Variants in GRB10 observed in about 807,000 individuals in gnomAD.
GRB10 encodes growth factor receptor bound protein 10, also known as growth factor receptor-bound protein 10.
In GRB10, 20 loss-of-function variants were observed where a neutral mutation model predicts 80.9. The ratio of observed to expected loss-of-function variants is 0.25; its 90% CI spans 0.17 to 0.36. The LOEUF (loss-of-function observed/expected upper bound fraction) is 0.36. GRB10 is among the 10% of genes least tolerant of loss of function. GRB10 has a pLI of 1.00. For missense variants in GRB10, 548 were observed against 747.7 expected, an observed-to-expected ratio of 0.73 and a Z score of 3.12; for synonymous variants, 291 against 291.5, an observed-to-expected ratio of 1.00 and a Z score of 0.02.
At position 50,616,044 on chromosome 7, in the gene GRB10, C is replaced by G. The variant is rs189295544; in HGVS notation, c.984+166G>C. On this transcript the variant is annotated intron_variant, in intron 11 of 18. Transcript: ENST00000401949. ...TAGTTTCTGAGCGAGACCAGGAAAC[C>G]TGTGACTCCAAGTTCAGCTGCTGCA... 8.5e-5 allele frequency among the ~76,000 whole-genome samples: 13 copies of G among 152,228 alleles called. No homozygotes were observed. The East Asian group carries it at 2.5e-3, about 29-fold the overall frequency.
intron 5 of GRB10, among the ~76,000 whole-genome samples, chr7:50,689,098 T>C (rs2153656350): frequency 6.6e-6 from 1 of 152,274 alleles, no homozygotes; most frequent in Non-Finnish European, 1.5e-5. Context: ...GCCTCAGTAA[T>C]GACAGTCTAG....
At chr7:50,774,832 G>C (rs898912134) in intron 2 of GRB10, among the ~76,000 whole-genome samples, 2 of 151,976 alleles carry the variant, frequency 1.3e-5, no homozygotes, top group Non-Finnish European at 2.9e-5. Context: ...GAGACTCAAA[G>C]ATGTGTTTCA....
chr7:50,752,648 G>A (rs930149350), intron 3 of GRB10, among the ~76,000 whole-genome samples: 1 of 152,170 alleles, frequency 6.6e-6, no homozygotes, highest in Non-Finnish European at 1.5e-5. Context: ...AGGGCCATGA[G>A]AGTTGCCCTC....
At chr7:50,704,017 C>G in intron 4 of GRB10, 109 bp from the exon 5 acceptor site, 4 of 727,952 alleles carry the variant, frequency 5.5e-6, no homozygotes, top group East Asian at 2.9e-5. Context: ...TTCCTTACTT[C>G]CTTTCCACTT....
intron 2 of GRB10, among the ~76,000 whole-genome samples, chr7:50,758,239 C>T (rs1000815545): frequency 1.3e-5 from 2 of 152,102 alleles, no homozygotes; most frequent in African/African-American, 4.8e-5. Flanking sequence ...ACCAACACCC[C>T]GAGAGTAGAC....
At chr7:50,775,920 G>A (rs769224877) in intron 2 of GRB10, among the ~76,000 whole-genome samples, 4 of 152,216 alleles carry the variant, frequency 2.6e-5, no homozygotes, top group Non-Finnish European at 5.9e-5. Flanking sequence ...GAGCAGAGAA[G>A]TGATGCCAGG....
intron 4 of GRB10, among the ~76,000 whole-genome samples, chr7:50,712,387 A>G (rs188320406): frequency 2.6e-5 from 4 of 152,192 alleles, no homozygotes; most frequent in Non-Finnish European, 2.9e-5. Context: ...ATGGGGGAAA[A>G]AGAAAAGTCA....
intron 5 of GRB10, among the ~76,000 whole-genome samples, chr7:50,688,022 G>C (rs1054009395): frequency 6.6e-6 from 1 of 152,204 alleles, no homozygotes; most frequent in Non-Finnish European, 1.5e-5. Context: ...GGAGGGGAGG[G>C]AGGAACAGTA....
intron 5 of GRB10, among the ~76,000 whole-genome samples, chr7:50,677,401 T>C (rs2061072602): frequency 6.6e-6 from 1 of 152,166 alleles, no homozygotes; most frequent in African/African-American, 2.4e-5. Flanking sequence ...CTGCCTGAGC[T>C]ACCCGAGGCC....
At chr7:50,788,282 A>C (rs1353995175) in intron 1 of GRB10, among the ~76,000 whole-genome samples, 1 of 152,218 alleles carries the variant, frequency 6.6e-6, no homozygotes. Flanking sequence ...TGCACATCAG[A>C]GAAGTGGGGA....
At chr7:50,728,518 T>C (rs567737108) in intron 4 of GRB10, among the ~76,000 whole-genome samples, 2 of 152,146 alleles carry the variant, frequency 1.3e-5, no homozygotes, top group Non-Finnish European at 2.9e-5. Context: ...GGAGGCCCCC[T>C]TGAGCCTCTG....
intron 2 of GRB10, among the ~76,000 whole-genome samples, chr7:50,759,689 C>A (rs2075534595): frequency 6.6e-6 from 1 of 152,160 alleles, no homozygotes; most frequent in Admixed American, 6.5e-5. Flanking sequence ...GTGGAACCCA[C>A]AGACGCACAA....
At chr7:50,691,579 T>C (rs1370483537) in intron 5 of GRB10, among the ~76,000 whole-genome samples, 2 of 152,208 alleles carry the variant, frequency 1.3e-5, no homozygotes, top group East Asian at 3.8e-4. Flanking sequence ...AGGTAAGAAA[T>C]CATGACATAT....
At chr7:50,739,530 C>T (rs1178884130) in intron 3 of GRB10, among the ~76,000 whole-genome samples, 2 of 152,196 alleles carry the variant, frequency 1.3e-5, no homozygotes, top group African/African-American at 4.8e-5. Context: ...TGGCATGTGG[C>T]TCATCACACA....
chr7:50,598,299 T>C (rs1289790055), intron 17 of GRB10, among the ~76,000 whole-genome samples: 1 of 152,222 alleles, frequency 6.6e-6, no homozygotes, highest in Non-Finnish European at 1.5e-5. Flanking sequence ...AATCCAGTGA[T>C]TTCTAAGGGG....
intron 7 of GRB10, among the ~76,000 whole-genome samples, chr7:50,640,768 A>G (rs1156681878): frequency 1.3e-5 from 2 of 152,168 alleles, no homozygotes; most frequent in Non-Finnish European, 2.9e-5. Flanking sequence ...CAGGAGTATG[A>G]GCTGAAGTTT....
intron 3 of GRB10, among the ~76,000 whole-genome samples, chr7:50,736,113 T>G (rs2070751375): frequency 6.6e-6 from 1 of 151,914 alleles, no homozygotes; most frequent in Admixed American, 6.6e-5. Flanking sequence ...TGGTGAAACC[T>G]CACCTCTACT....
At chr7:50,737,529 T>C (rs1357181457) in intron 3 of GRB10, among the ~76,000 whole-genome samples, 1 of 152,190 alleles carries the variant, frequency 6.6e-6, no homozygotes, top group East Asian at 1.9e-4. Context: ...AGTTACCTAG[T>C]CTCAGGTAGT....
Position 50,646,462 on chromosome 7 carries a change from C to T in GRB10, c.505-19484G>A, listed in dbSNP as rs151149338. 2.6e-5 allele frequency among the ~76,000 whole-genome samples: 4 copies of T among 152,276 alleles called. No individual in the cohort carries two copies. The East Asian group carries it at 7.7e-4, about 29-fold the overall frequency. On this transcript the variant is annotated intron_variant, in intron 7 of 18. Transcript: ENST00000401949. Reference sequence around the variant, plus strand: ...AAACTGAGAAGAAAGTGAATCTCACCGTTTACCAAATACCTTTTTGTAGTA... The same window carrying T: ...AAACTGAGAAGAAAGTGAATCTCACTGTTTACCAAATACCTTTTTGTAGTA...
Sources: allele counts gnomAD v4.1 joint callset (sites outside exome capture counted in the v4.1 genomes callset), GRCh38; gene constraint gnomAD v4.1.1; transcripts MANE v1.5; gene names NCBI Gene and HGNC (gene_info 2026-07-23, HGNC 2026-07-21).